Variants in RPA2 observed in about 807,000 individuals in gnomAD.
The protein encoded by RPA2 is replication protein A 32 kDa subunit.
Under a neutral mutation model 33.4 loss-of-function variants are expected in RPA2, and 22 were observed. That is an observed-to-expected ratio of 0.66 (90% CI 0.47 to 0.94). RPA2 has a LOEUF of 0.94. Ranked by LOEUF, RPA2 falls within the 40% of genes least tolerant of loss-of-function variation. The pLI is 0.00. For synonymous variants in RPA2, 109 were observed against 114.9 expected (o/e 0.95, Z 0.33); for missense variants, 279 against 329.9 (o/e 0.85, Z 1.19).
intron 7 of RPA2, 77 bp downstream of exon 7, chr1:27,894,213 C>T (rs2089861132): frequency 7.9e-6 from 12 of 1,511,832 alleles, no homozygotes; most frequent in Admixed American, 3.4e-5. Context: ...CTTAAACAGT[C>T]GTAGCTCATT....
At chr1:27,897,511 T>G (rs1427249640) in intron 5 of RPA2, 122 bp downstream of exon 5, 4 of 579,322 alleles carry the variant, frequency 6.9e-6, no homozygotes, top group Non-Finnish European at 1.2e-5. Context: ...TTGAAGAGAG[T>G]AAGAAATAAC....
intron 6 of RPA2, 38 bp from the exon 7 acceptor site, chr1:27,894,435 A>T: frequency 6.4e-7 from 1 of 1,563,124 alleles, no homozygotes; most frequent in South Asian, 1.1e-5. Flanking sequence ...TAGAAAATCC[A>T]TCAAGTTAAA....
At chr1:27,901,020 A>G (rs2089960970) in intron 4 of RPA2, among the ~76,000 whole-genome samples, 1 of 152,220 alleles carries the variant, frequency 6.6e-6, no homozygotes, top group African/African-American at 2.4e-5. Flanking sequence ...TGTTAAAACG[A>G]CAATAAAGGA....
chr1:27,906,943 C>A lies in RPA2; in HGVS notation c.318G>T (p.Gln106His). 6.2e-7 allele frequency: 1 copy of A among 1,612,658 alleles called. No individual in the cohort carries two copies. The highest frequency in any genetic ancestry group is 1.3e-5 in the African/African-American group (1 of 74,982). The change falls in exon 4 of 9, where the codon CAG (glutamine) becomes CAT (histidine). Residue 106 changes from glutamine (Q) to histidine (H), a missense_variant. Physicochemically the swap from Gln to His is conservative, Grantham distance 24. Around this residue, in one of 2 missense-constraint regions of RPA2, gnomAD observed 274 missense variants for 310.3 expected, o/e 0.88. Transcript: ENST00000373912. ...DMTAAPMDVR[Q>H]WVDTDDTSSE... Reference sequence around the variant, plus strand: ...AGCCACTTACATCTGTGTCAACCCACTGGCGAACGTCCATGGGTGCAGCTG... The same window carrying A: ...AGCCACTTACATCTGTGTCAACCCAATGGCGAACGTCCATGGGTGCAGCTG...
chr1:27,907,216 C>T lies in RPA2; in HGVS notation c.184G>A (p.Glu62Lys). ...TCAACATTCCCAATTCTGAACACTT[C>T]ATCAACCAAAGTGGCAGAAAGCAGC... is the stretch of plus-strand genomic sequence containing the variant. ...SQLLSATLVD[E>K]VFRIGNVEIS... The change falls in exon 3 of 9, where the codon GAA becomes AAA. Residue 62 changes from glutamate to lysine, a missense_variant. Coordinates refer to ENST00000373912, the MANE Select transcript of RPA2 (RefSeq NM_002946.5). 1 of 1,614,026 alleles carries T rather than the reference C, an allele frequency of 6.2e-7. No homozygotes were observed. Among genetic ancestry groups the T allele is most frequent in the Non-Finnish European group, 8.5e-7 (1 of 1,179,982 alleles).
chr1:27,908,375 C>T (rs1301785884), intron 2 of RPA2, among the ~76,000 whole-genome samples: 2 of 151,910 alleles, frequency 1.3e-5, no homozygotes, highest in Non-Finnish European at 1.5e-5. Flanking sequence ...AGTGATCCTC[C>T]GACCTTAGCC....
In RPA2 at chr1:27,897,691, T is replaced by A. The variant is rs1337899350; in HGVS notation, c.350A>T (p.Asn117Ile). ...ATATGTTTCTGGAGGAACCACAGTG[T>A]TTTCACTGCTGGTGTCCTAACATAA... ...WVDTDDTSSE[N>I]TVVPPETYVK... Residue 117 changes from asparagine (N) to isoleucine (I), a missense_variant, in exon 5 of 9, where the codon AAC becomes ATC. Physicochemically the swap from Asn to Ile is moderately radical, Grantham distance 149. Around this residue, in one of 2 missense-constraint regions of RPA2, gnomAD observed 274 missense variants for 310.3 expected, o/e 0.88. Transcript: ENST00000373912. 6.3e-6 allele frequency: 10 copies of A among 1,599,240 alleles called. No individual in the cohort carries two copies. Among genetic ancestry groups the A allele is most frequent in the Non-Finnish European group, 8.5e-6 (10 of 1,173,150 alleles).
At chr1:27,892,905 C>A (rs2089842747) in intron 8 of RPA2, among the ~76,000 whole-genome samples, 1 of 152,132 alleles carries the variant, frequency 6.6e-6, no homozygotes, top group African/African-American at 2.4e-5. Context: ...TTTATAGTAA[C>A]AAATAACTAT....
rs372538532 is a variant in RPA2 at position 27,907,297 on chromosome 1, C to T, written c.118-15G>A. ...GCTCGGGCTCTCTGAAAAGAAAAAA[C>T]ATGCAAAATTCAATTAAGAAAGTAA... On this transcript the variant is annotated splice_polypyrimidine_tract_variant and intron_variant, in intron 2 of 8. Coordinates refer to ENST00000373912, the MANE Select transcript of RPA2 (RefSeq NM_002946.5). The T allele has an allele frequency of 7.9e-5, 125 of 1,587,724 alleles. No individual in the cohort carries two copies. Among genetic ancestry groups the T allele is most frequent in the Non-Finnish European group, 1.0e-4 (122 of 1,168,044 alleles).
At position 27,899,509 on chromosome 1, in the gene RPA2, A is replaced by G. The variant is rs1305329743; in HGVS notation, c.334-1802T>C. On this transcript the variant is annotated intron_variant, in intron 4 of 8. Transcript: ENST00000373912. The stretch of plus-strand genomic sequence containing the variant: ...AGAGCAGGACTCTATCTCAAAAAAA[A>G]AAAGAAAAAAAAAAAAAAAAAACCA... Among the ~76,000 whole-genome samples the G allele has an allele frequency of 4.2e-3, 583 of 138,326 alleles. 2 individuals are homozygous for G. Among genetic ancestry groups the G allele is most frequent in the Non-Finnish European group, 7.0e-3 (447 of 63,600 alleles). 90.7% of individuals were successfully genotyped at this position (138,326 alleles called of 152,430 possible). A position where few individuals can be genotyped will look rare whatever the true frequency, so the allele number is the denominator to read the frequency against.
chr1:27,913,668 G>A (rs1346805696), intron 2 of RPA2, among the ~76,000 whole-genome samples: 4 of 151,722 alleles, frequency 2.6e-5, no homozygotes, highest in African/African-American at 9.7e-5. Context: ...TGTTACCCCA[G>A]CACTTTGAGA....
At chr1:27,914,746 C>G, upstream of RPA2, 1 of 1,460,160 alleles carries the variant, frequency 6.8e-7, no homozygotes, top group Non-Finnish European at 9.5e-7. Context: ...TCCGCACTAG[C>G]GGAAGCAAGG....
At chr1:27,904,324 C>G (rs541369186) in intron 4 of RPA2, among the ~76,000 whole-genome samples, 1 of 152,220 alleles carries the variant, frequency 6.6e-6, no homozygotes, top group South Asian at 2.1e-4. Flanking sequence ...GGGTATTTTC[C>G]AAAATGTGTC....
intron 2 of RPA2, among the ~76,000 whole-genome samples, chr1:27,911,329 C>T (rs919381708): frequency 6.6e-6 from 1 of 151,944 alleles, no homozygotes; most frequent in Non-Finnish European, 1.5e-5. Flanking sequence ...AGTTTGAGAC[C>T]AGCCTGGGCA....
chr1:27,897,201 GT>G, intron 5 of RPA2, 80 bp from the exon 6 acceptor site: 1 of 908,842 alleles, frequency 1.1e-6, no homozygotes, highest in Non-Finnish European at 1.7e-6. Flanking sequence ...TCTTTCCTTG[GT>G]TATAATATTA....
intron 4 of RPA2, among the ~76,000 whole-genome samples, chr1:27,898,241 G>A (rs555477494): frequency 6.6e-5 from 10 of 152,120 alleles, no homozygotes; most frequent in Non-Finnish European, 1.0e-4. Flanking sequence ...TTAAGAACAT[G>A]CATTAAGATT....
chr1:27,906,881 C>G, intron 4 of RPA2, 47 bp downstream of exon 4: 1 of 1,343,134 alleles, frequency 7.4e-7, no homozygotes, highest in Non-Finnish European at 1.0e-6. Flanking sequence ...TTCAACATCT[C>G]CACAGTTCCA....
chr1:27,895,395 C>G (rs2089877616), intron 6 of RPA2, among the ~76,000 whole-genome samples: 1 of 151,870 alleles, frequency 6.6e-6, no homozygotes, highest in African/African-American at 2.4e-5. Context: ...GCACTCCAGC[C>G]TGAGTGACAG....
intron 2 of RPA2, 105 bp downstream of exon 2, chr1:27,913,958 T>A (rs2090134325): frequency 9.8e-7 from 1 of 1,023,560 alleles, no homozygotes; most frequent in Non-Finnish European, 1.4e-6. Flanking sequence ...CATTATCGCA[T>A]CAGTTCACGT....
Sources: gnomAD v4.1 joint callset for allele counts (sites outside exome capture counted in the v4.1 genomes callset) on GRCh38, gnomAD v4.1.1 for gene constraint, gnomAD v4.1.1 regional missense constraint, MANE v1.5 for transcripts, NCBI Gene and HGNC (gene_info 2026-07-23, HGNC 2026-07-21) for gene names.